Variants in CDH23 observed in about 807,000 individuals in gnomAD.
CDH23 encodes the protein cadherin related 23, also known as cadherin-23.
CDH23 carries 189 observed loss-of-function variants against 317.1 expected under a neutral mutation model. The observed-to-expected ratio is 0.60, with a 90% CI of 0.53 to 0.67. The LOEUF (loss-of-function observed/expected upper bound fraction) is 0.67, where lower values mean the gene tolerates loss of function less well. Among genes scored for constraint, CDH23 ranks in the 30% least tolerant of loss-of-function variants. The pLI, the probability that CDH23 is intolerant of heterozygous loss-of-function variation, is 0.00. For missense variants in CDH23, 4,401 were observed against 4,592.4 expected (o/e 0.96, Z 1.20); for synonymous variants, 1,839 against 1,876.8 (o/e 0.98, Z 0.52).
intron 26 of CDH23, among the ~76,000 whole-genome samples, chr10:71,707,938 C>G (rs578181791): frequency 6.6e-6 from 1 of 152,150 alleles, no homozygotes; most frequent in South Asian, 2.1e-4. Flanking sequence ...ACGTGACCTC[C>G]CAGCCCTCAG....
At chr10:71,403,393 TTCTTTCTTTCTTTCTC>T (rs1847910401) in intron 1 of CDH23, among the ~76,000 whole-genome samples, 1 of 103,350 alleles carries the variant, frequency 9.7e-6, no homozygotes, top group African/African-American at 4.5e-5. Context: ...CTTTCTTTCT[TTCTTTCTTTCTTTCTC>T]TTCCTTCCTT....
intron 38 of CDH23, chr10:71,773,302 C>T: frequency 6.5e-7 from 1 of 1,541,296 alleles, no homozygotes; most frequent in Non-Finnish European, 8.8e-7. Flanking sequence ...AGTTCCCACT[C>T]CAGTCTGCTG....
chr10:71,660,595 T>C (rs1408285872), intron 14 of CDH23, among the ~76,000 whole-genome samples: 3 of 152,168 alleles, frequency 2.0e-5, no homozygotes, highest in Non-Finnish European at 4.4e-5. Flanking sequence ...TCTGCTTTCA[T>C]CTCACTTCAC....
intron 1 of CDH23, among the ~76,000 whole-genome samples, chr10:71,424,841 A>G (rs1848982675): frequency 6.6e-6 from 1 of 152,204 alleles, no homozygotes. Context: ...CAGAGACCCC[A>G]GACACAGAGT....
At chr10:71,645,352 GAGGAGGAGGGGAAGAA>G (rs1165144255) in intron 12 of CDH23, among the ~76,000 whole-genome samples, 3 of 152,186 alleles carry the variant, frequency 2.0e-5, no homozygotes, top group African/African-American at 7.2e-5. Flanking sequence ...ACACGTTCCA[GAGGAGGAGGGGAAGAA>G]CAGCATCTGC....
At chr10:71,413,407 G>T (rs1459808434) in intron 1 of CDH23, among the ~76,000 whole-genome samples, 1 of 152,126 alleles carries the variant, frequency 6.6e-6, no homozygotes, top group Non-Finnish European at 1.5e-5. Flanking sequence ...AATAGAAAGT[G>T]TGAGTACTCC....
chr10:71,577,191 T>C (rs1858270737), intron 8 of CDH23, among the ~76,000 whole-genome samples: 1 of 152,230 alleles, frequency 6.6e-6, no homozygotes, highest in South Asian at 2.1e-4. Flanking sequence ...CTTGACTTCA[T>C]GCCATAGGCT....
rs1229041461 is a variant in CDH23, at chr10:71,790,420, C to A, written c.6049+7C>A. ...GACATCAACAGCAGCACCGGTGAGG[C>A]CTCTGTGCCACCCAGCACTCCCAGC... On this transcript the variant is annotated splice_region_variant and intron_variant, in intron 46 of 69. Transcript: ENST00000224721. The A allele has an allele frequency of 6.2e-7, 1 of 1,611,568 alleles. No individual in the cohort carries two copies. Among genetic ancestry groups the A allele is most frequent in the East Asian group, 2.2e-5 (1 of 44,874 alleles).
chr10:71,693,392 G>A (rs926097982), intron 20 of CDH23, among the ~76,000 whole-genome samples: 5 of 151,982 alleles, frequency 3.3e-5, no homozygotes, highest in Admixed American at 1.3e-4. Flanking sequence ...AAATACAGGC[G>A]AACAAGAAAT....
In CDH23 at chr10:71,813,355, G is replaced by C. The variant is rs561629875; in HGVS notation, c.9738+7G>C. On this transcript the variant is annotated splice_region_variant and intron_variant, in intron 69 of 69. Transcript: ENST00000224721. ...CCACTCCTCCATCTCTGAGGTAGCC[G>C]GCTGGGTGGCTGGGAGCTGTGTGCT... The C allele has an allele frequency of 5.2e-6, 8 of 1,548,930 alleles. No individual in the cohort carries two copies. Among genetic ancestry groups the C allele is most frequent in the Admixed American group, 2.0e-5 (1 of 50,994 alleles).
At position 71,417,072 on chromosome 10, in the gene CDH23, C is replaced by A. The variant is rs1435643041; in HGVS notation, c.-6+19754C>A. On this transcript the variant is annotated intron_variant, in intron 1 of 69. Coordinates refer to ENST00000224721, the MANE Select transcript of CDH23 (RefSeq NM_022124.6). ...TTTTTGTCTTTTCCTTTCTTCTTTT[C>A]TTTTCTTTTTTTTTTTAAATTGAGA... 2.7e-4 allele frequency among the ~76,000 whole-genome samples: 28 copies of A among 104,584 alleles called. No homozygotes were observed. The East Asian group carries it at 7.2e-3, about 27-fold the overall frequency. The allele number at this position is 104,584 out of a possible 152,430, so 68.6% of individuals were successfully genotyped here. A position where few individuals can be genotyped will look rare whatever the true frequency, so the allele number is the denominator to read the frequency against.
chr10:71,759,160 C>G (rs913762443), intron 38 of CDH23, among the ~76,000 whole-genome samples: 2 of 152,052 alleles, frequency 1.3e-5, no homozygotes, highest in African/African-American at 4.8e-5. Context: ...GCCTCAGCCT[C>G]TTGAGTAGCT....
At chr10:71,812,459 C>T (rs1439729960) in intron 66 of CDH23, 21 bp from the exon 67 acceptor site, 3 of 1,612,388 alleles carry the variant, frequency 1.9e-6, no homozygotes, top group Non-Finnish European at 1.7e-6. Flanking sequence ...CCTCCCCACC[C>T]TTTTCCCTCC....
At position 71,803,057 on chromosome 10, in the gene CDH23, C is replaced by T; in HGVS notation, c.7642C>T (p.Leu2548Phe). 1 of 1,610,716 alleles carries T rather than the reference C, an allele frequency of 6.2e-7. No homozygotes were observed. ...TCCCAATGGAGAGTTGACCTACTCA[C>T]TTGAGGGCCCTGGCGTGGGTATGTG... ...EGPNGELTYS[L>F]EGPGVEAFHV... The change falls in exon 54 of 70, where the codon CTT (leucine) becomes TTT (phenylalanine). Residue 2548 changes from leucine to phenylalanine, a missense_variant. Transcript: ENST00000224721.
intron 69 of CDH23, 47 bp from the exon 70 acceptor site, chr10:71,814,904 AC>A (rs562598745): frequency 1.2e-5 from 18 of 1,538,382 alleles, no homozygotes; most frequent in Non-Finnish European, 1.6e-5. Context: ...CCACCTGCTC[AC>A]CCCTTGGGCA....
At chr10:71,524,227 C>G (rs769334262) in intron 6 of CDH23, among the ~76,000 whole-genome samples, 2 of 152,212 alleles carry the variant, frequency 1.3e-5, no homozygotes, top group Non-Finnish European at 2.9e-5. Context: ...GGCTTTCCAC[C>G]GTGGACGGAC....
chr10:71,628,345 G>T (rs1589276552), intron 11 of CDH23, among the ~76,000 whole-genome samples: 1 of 152,234 alleles, frequency 6.6e-6, no homozygotes, highest in Non-Finnish European at 1.5e-5. Context: ...TGGGCACAGG[G>T]CAGAGGGAGA....
intron 62 of CDH23, 73 bp from the exon 63 acceptor site, chr10:71,811,242 C>T: frequency 6.2e-7 from 1 of 1,606,674 alleles, no homozygotes; most frequent in Non-Finnish European, 8.5e-7. Context: ...AGGCTTGAGG[C>T]AGGAGCAGAG....
chr10:71,699,884 G>T (rs1865520858), intron 22 of CDH23, among the ~76,000 whole-genome samples: 1 of 152,110 alleles, frequency 6.6e-6, no homozygotes, highest in Non-Finnish European at 1.5e-5. Context: ...CAAAACCATT[G>T]CCCATGCCCT....
Sources: gnomAD v4.1 joint callset for allele counts (sites outside exome capture counted in the v4.1 genomes callset) on GRCh38, gnomAD v4.1.1 for gene constraint, MANE v1.5 for transcripts, NCBI Gene and HGNC (gene_info 2026-07-23, HGNC 2026-07-21) for gene names.